Variants in SFMBT1 observed in about 807,000 individuals in gnomAD.
The protein encoded by SFMBT1 is scm-like with four MBT domains protein 1.
SFMBT1 carries 32 observed loss-of-function variants against 108.7 expected under a neutral mutation model. The observed-to-expected ratio is 0.29, with a 90% CI of 0.22 to 0.40. The LOEUF (loss-of-function observed/expected upper bound fraction) is 0.40. SFMBT1 is among the 10% of genes least tolerant of loss of function. The pLI, the probability that SFMBT1 is intolerant of heterozygous loss-of-function variation, is 1.00. For synonymous variants in SFMBT1, 348 were observed against 369.5 expected, an observed-to-expected ratio of 0.94 and a Z score of 0.67; for missense variants, 816 against 1,059.6, an observed-to-expected ratio of 0.77 and a Z score of 3.19.
At chr3:52,986,326 A>G (rs1421705127) in intron 1 of SFMBT1, among the ~76,000 whole-genome samples, 1 of 152,168 alleles carries the variant, frequency 6.6e-6, no homozygotes, top group Non-Finnish European at 1.5e-5. Context: ...AAGCCACATT[A>G]AATTTGTTTT....
At chr3:52,960,155 G>C (rs547835941) in intron 2 of SFMBT1, among the ~76,000 whole-genome samples, 61 of 151,682 alleles carry the variant, frequency 4.0e-4, no homozygotes, top group Non-Finnish European at 6.6e-4. Context: ...AGCAGAAAAG[G>C]CAAGTGCAGA....
At chr3:52,976,905 G>A (rs1335894786) in intron 1 of SFMBT1, among the ~76,000 whole-genome samples, 1 of 152,132 alleles carries the variant, frequency 6.6e-6, no homozygotes, top group African/African-American at 2.4e-5. Flanking sequence ...CAAAAGATTA[G>A]TAACACTGAA....
chr3:53,043,893 T>C (rs563911778), intron 1 of SFMBT1, among the ~76,000 whole-genome samples: 1 of 152,290 alleles, frequency 6.6e-6, no homozygotes, highest in East Asian at 1.9e-4. Flanking sequence ...AAGGGTCCTG[T>C]TTTGAGGCAA....
Position 52,930,424 on chromosome 3 carries a change from G to C in SFMBT1, c.802C>G (p.Gln268Glu). Residue 268 changes from glutamine (Q) to glutamate (E), a missense_variant, in exon 8 of 21, where the codon CAA becomes GAA. Physicochemically the swap from Gln to Glu is conservative, Grantham distance 29 (BLOSUM62 2). Coordinates refer to ENST00000394752, the MANE Select transcript of SFMBT1 (RefSeq NM_016329.4). ...PLPSYLFKDK[Q>E]VIGIHTFSVN... ...GAGAATGTATGAATGCCAATAACTT[G>C]TTTGTCCTGAAATGCAGACACCAAA... 6.2e-7 allele frequency: 1 copy of C among 1,605,170 alleles called. No individual in the cohort carries two copies. Among genetic ancestry groups the C allele is most frequent in the Non-Finnish European group, 8.5e-7 (1 of 1,171,894 alleles).
intron 1 of SFMBT1, among the ~76,000 whole-genome samples, chr3:52,996,650 ACTAAAATGG>A (rs886826346): frequency 6.6e-6 from 1 of 150,522 alleles, no homozygotes; most frequent in African/African-American, 2.4e-5. Context: ...TTACACACCA[ACTAAAATGG>A]CTAAAATACG....
Position 52,913,550 on chromosome 3 carries a change from A to G in SFMBT1, c.1548T>C (p.Tyr516=), listed in dbSNP as rs1400272148. Residue 516 remains tyrosine (Y), a synonymous_variant, in exon 15 of 21, where the codon TAT becomes TAC. Coordinates refer to ENST00000394752, the MANE Select transcript of SFMBT1 (RefSeq NM_016329.4). The part of the protein sequence containing the change: ...YFNHRCFSGP[Y]LNKGRIAELP... ...GCTCAGCAATTCTTCCTTTGTTAAG[A>G]TATGGCCCTGAGAAGCAACGGTGGT... The G allele has an allele frequency of 6.2e-7, 1 of 1,614,184 alleles. No individual in the cohort carries two copies. The highest frequency in any genetic ancestry group is 8.5e-7 in the Non-Finnish European group (1 of 1,180,022).
At chr3:52,988,470 T>C (rs908034481) in intron 1 of SFMBT1, among the ~76,000 whole-genome samples, 1 of 152,202 alleles carries the variant, frequency 6.6e-6, no homozygotes, top group African/African-American at 2.4e-5. Flanking sequence ...TCCAGGGTAA[T>C]GCTGCTGCGA....
At chr3:52,984,950 A>G (rs907835019) in intron 1 of SFMBT1, among the ~76,000 whole-genome samples, 2 of 152,238 alleles carry the variant, frequency 1.3e-5, no homozygotes, top group African/African-American at 4.8e-5. Context: ...AGACGACTAA[A>G]TTGCAGTTTT....
chr3:52,968,083 T>C (rs1362257396), intron 2 of SFMBT1, among the ~76,000 whole-genome samples: 1 of 152,194 alleles, frequency 6.6e-6, no homozygotes, highest in Non-Finnish European at 1.5e-5. Flanking sequence ...CAAACTGCAG[T>C]ACATTCATGA....
intron 2 of SFMBT1, among the ~76,000 whole-genome samples, chr3:52,968,236 C>T (rs1005477400): frequency 1.3e-5 from 2 of 152,152 alleles, no homozygotes; most frequent in African/African-American, 4.8e-5. Flanking sequence ...GACAAAATTA[C>T]AGAGATGGAG....
intron 1 of SFMBT1, among the ~76,000 whole-genome samples, chr3:52,989,616 C>T (rs965994059): frequency 9.9e-5 from 15 of 151,684 alleles, no homozygotes; most frequent in South Asian, 4.2e-4. Flanking sequence ...CTGGCTAACA[C>T]GGCGAAATGC....
chr3:52,920,454 A>C, intron 12 of SFMBT1, 83 bp downstream of exon 12: 4 of 936,840 alleles, frequency 4.3e-6, no homozygotes, highest in Non-Finnish European at 6.7e-6. Context: ...TTTCTCTGAA[A>C]TGTCCAGATT....
chr3:52,966,624 C>CAAAAAAAAAAAAAAAAAA (rs35044878), intron 2 of SFMBT1, among the ~76,000 whole-genome samples: 1 of 48,390 alleles, frequency 2.1e-5, no homozygotes, highest in Admixed American at 2.8e-4. Context: ...GACTCAGTCT[C>CAAAAAAAAAAAAAAAAAA]AAAAAAAAAA....
rs1323550696 is a variant in SFMBT1 at position 52,903,914 on chromosome 3, G to C, written c.*1222C>G. 6.6e-6 allele frequency: 1 copy of C among 152,182 alleles called. No homozygotes were observed. The highest frequency in any genetic ancestry group is 1.5e-5 in the Non-Finnish European group (1 of 68,032). 9.4% of individuals were successfully genotyped at this position (152,182 alleles called of 1,614,324 possible). On this transcript the variant is annotated 3_prime_UTR_variant, in exon 21 of 21. Coordinates refer to ENST00000394752, the MANE Select transcript of SFMBT1 (RefSeq NM_016329.4). ...TTTAAATGGGAATCCTCGGACTAAA[G>C]ATTATATTCAATTTAAAGGATTAGC... is the stretch of plus-strand genomic sequence containing the variant.
At chr3:53,029,568 C>G (rs1172640988) in intron 1 of SFMBT1, among the ~76,000 whole-genome samples, 2 of 152,120 alleles carry the variant, frequency 1.3e-5, no homozygotes, top group East Asian at 3.8e-4. Context: ...AGAATACCAC[C>G]CAAATACAGA....
intron 1 of SFMBT1, among the ~76,000 whole-genome samples, chr3:52,999,055 CG>C (rs1052099250): frequency 7.3e-5 from 11 of 150,780 alleles, no homozygotes; most frequent in African/African-American, 2.7e-4. Context: ...ATGCGTAAGC[CG>C]GGGACGCCCG....
intron 1 of SFMBT1, among the ~76,000 whole-genome samples, chr3:52,992,698 A>T (rs2115779): frequency 1.3e-5 from 2 of 152,072 alleles, no homozygotes; most frequent in African/African-American, 2.4e-5. Flanking sequence ...GGAAAAACTA[A>T]GGGAAATCAT....
At position 53,040,580 on chromosome 3, in the gene SFMBT1, G is replaced by A. The variant is rs543235416; in HGVS notation, c.-131+5236C>T. ...AATAATTAACCTTTCTCTAGACTAAGCAAAAACATCAAAAAAGAACCAATG... is the reference window on the plus strand; with the variant it reads ...AATAATTAACCTTTCTCTAGACTAAACAAAAACATCAAAAAAGAACCAATG... On this transcript the variant is annotated intron_variant, in intron 1 of 20. Coordinates refer to ENST00000394752, the MANE Select transcript of SFMBT1 (RefSeq NM_016329.4). 1.3e-4 allele frequency among the ~76,000 whole-genome samples: 19 copies of A among 147,350 alleles called. No homozygotes were observed. In the South Asian group the frequency reaches 3.6e-3, roughly 28 times the overall value.
intron 3 of SFMBT1, among the ~76,000 whole-genome samples, chr3:52,951,616 G>A (rs1320177154): frequency 6.6e-6 from 1 of 152,132 alleles, no homozygotes; most frequent in Non-Finnish European, 1.5e-5. Context: ...GTTTCATCAT[G>A]TTGGCCAGGC....
Sources: gnomAD v4.1 joint callset for allele counts (sites outside exome capture counted in the v4.1 genomes callset) on GRCh38, gnomAD v4.1.1 for gene constraint, MANE v1.5 for transcripts, NCBI Gene and HGNC (gene_info 2026-07-23, HGNC 2026-07-21) for gene names.